The following NEK10 variants were observed in gnomAD, a reference collection of about 807,000 sequenced individuals.
NEK10 encodes the protein NIMA related kinase 10.
A neutral mutation model predicts 159.8 loss-of-function variants in NEK10; 122 were observed. That is an observed-to-expected ratio of 0.76 (90% CI 0.66 to 0.89). NEK10 has a LOEUF of 0.89. Among genes scored for constraint, NEK10 ranks in the 40% least tolerant of loss-of-function variants. The pLI, the probability that NEK10 is intolerant of heterozygous loss-of-function variation, is 0.00. For missense variants in NEK10, 1,342 were observed against 1,323.1 expected, an observed-to-expected ratio of 1.01 and a Z score of -0.22; for synonymous variants, 466 against 457.1, an observed-to-expected ratio of 1.02 and a Z score of -0.25.
At chr3:27,176,259 T>C (rs1267289390) in intron 26 of NEK10, among the ~76,000 whole-genome samples, 1 of 152,240 alleles carries the variant, frequency 6.6e-6, no homozygotes, top group Admixed American at 6.5e-5. Flanking sequence ...CCTTGTTTTG[T>C]TGAAGTTAAT....
intron 22 of NEK10, among the ~76,000 whole-genome samples, chr3:27,271,008 C>T (rs934950154): frequency 5.3e-5 from 8 of 152,034 alleles, no homozygotes; most frequent in African/African-American, 1.4e-4. Flanking sequence ...TCATTTCTAA[C>T]TAGTATGAAA....
intron 35 of NEK10, 139 bp from the exon 36 acceptor site, chr3:27,111,459 G>A: frequency 1.5e-6 from 1 of 667,258 alleles, no homozygotes; most frequent in Non-Finnish European, 2.4e-6. Flanking sequence ...TGTTAGGATG[G>A]GGACATTTTT....
At chr3:27,144,022 C>A (rs1944042692) in intron 30 of NEK10, among the ~76,000 whole-genome samples, 2 of 152,184 alleles carry the variant, frequency 1.3e-5, no homozygotes, top group African/African-American at 4.8e-5. Context: ...ATAGTCATTT[C>A]CAAGCATTTG....
intron 26 of NEK10, among the ~76,000 whole-genome samples, chr3:27,186,451 G>A (rs1195003468): frequency 6.6e-6 from 1 of 152,168 alleles, no homozygotes; most frequent in Non-Finnish European, 1.5e-5. Flanking sequence ...CTGCCAGAAG[G>A]AAGAGAAAAT....
chr3:27,360,367 A>G (rs1045043737), intron 1 of NEK10, among the ~76,000 whole-genome samples: 1 of 152,226 alleles, frequency 6.6e-6, no homozygotes, highest in Non-Finnish European at 1.5e-5. Context: ...TCAAAAGCAC[A>G]TAAAAAATGA....
At chr3:27,204,282 T>C (rs1575230797) in intron 23 of NEK10, among the ~76,000 whole-genome samples, 1 of 121,014 alleles carries the variant, frequency 8.3e-6, no homozygotes, top group African/African-American at 3.5e-5. Context: ...TTTCTTTTTT[T>C]TTTTTTTTTT....
chr3:27,121,516 G>A (rs527752928), intron 32 of NEK10, among the ~76,000 whole-genome samples: 62 of 152,208 alleles, frequency 4.1e-4, no homozygotes, highest in African/African-American at 1.4e-3. Flanking sequence ...AAAAAGTCTC[G>A]CAGGATCTGA....
At position 27,117,704 on chromosome 3, in the gene NEK10, C is replaced by A. The variant is rs539873913; in HGVS notation, c.3191-1577G>T. Among the ~76,000 whole-genome samples the A allele has an allele frequency of 3.3e-5, 5 of 152,162 alleles. No homozygotes were observed. In the South Asian group the frequency reaches 1.0e-3, roughly 32 times the overall value. ...TTTTCTTGTAAATTTGTTTAAGTTCCTTGCAGATTCTGGATATTACACCTT... is the reference window on the plus strand; with the variant it reads ...TTTTCTTGTAAATTTGTTTAAGTTCATTGCAGATTCTGGATATTACACCTT... On this transcript the variant is annotated intron_variant, in intron 33 of 35. Coordinates refer to ENST00000691995, the MANE Select transcript of NEK10 (RefSeq NM_001394966.1).
At chr3:27,137,119 G>T (rs1052707976) in intron 31 of NEK10, among the ~76,000 whole-genome samples, 3 of 152,044 alleles carry the variant, frequency 2.0e-5, no homozygotes, top group African/African-American at 7.3e-5. Flanking sequence ...ATAAGTTAAA[G>T]TTCCTCAAAG....
At chr3:27,171,934 T>A (rs1947028408) in intron 28 of NEK10, 61 bp from the exon 29 acceptor site, 10 of 1,535,574 alleles carry the variant, frequency 6.5e-6, no homozygotes, top group Middle Eastern at 1.9e-4. Flanking sequence ...TTATTTTTTA[T>A]GTTTTAATAA....
intron 6 of NEK10, among the ~76,000 whole-genome samples, chr3:27,319,491 CT>C (rs2045463353): frequency 6.6e-6 from 1 of 152,148 alleles, no homozygotes; most frequent in South Asian, 2.1e-4. Flanking sequence ...ATTTAAATGG[CT>C]TCCAGAGAGA....
intron 19 of NEK10, among the ~76,000 whole-genome samples, chr3:27,288,392 T>C (rs1001150242): frequency 1.3e-5 from 2 of 152,162 alleles, no homozygotes; most frequent in Admixed American, 6.5e-5. Context: ...TCCTGCTAAG[T>C]CAGTTTATGG....
At chr3:27,253,362 T>C (rs977506201) in intron 23 of NEK10, among the ~76,000 whole-genome samples, 1 of 152,206 alleles carries the variant, frequency 6.6e-6, no homozygotes, top group Non-Finnish European at 1.5e-5. Flanking sequence ...TTGAAGATGG[T>C]GTCTAATTTT....
At chr3:27,270,782 G>T in intron 22 of NEK10, among the ~76,000 whole-genome samples, 1 of 151,828 alleles carries the variant, frequency 6.6e-6, no homozygotes, top group Middle Eastern at 3.4e-3. Flanking sequence ...CTACAAAGAC[G>T]TTTGATAAAT....
intron 33 of NEK10, among the ~76,000 whole-genome samples, chr3:27,116,713 G>C (rs899661564): frequency 2.0e-5 from 3 of 151,880 alleles, no homozygotes; most frequent in Non-Finnish European, 4.4e-5. Flanking sequence ...TGCCCAGGTT[G>C]GTCTTGAATT....
chr3:27,226,060 C>T (rs1467409425), intron 23 of NEK10, among the ~76,000 whole-genome samples: 1 of 151,908 alleles, frequency 6.6e-6, no homozygotes, highest in Non-Finnish European at 1.5e-5. Context: ...GAGACGGAGT[C>T]TCGCTCTGTT....
intron 7 of NEK10, among the ~76,000 whole-genome samples, chr3:27,312,842 CA>C (rs1217154435): frequency 6.6e-6 from 1 of 151,776 alleles, no homozygotes; most frequent in Admixed American, 6.6e-5. Flanking sequence ...TTCTTGAAAA[CA>C]AAAAATAAAC....
intron 29 of NEK10, 48 bp from the exon 30 acceptor site, chr3:27,162,786 T>G: frequency 6.2e-7 from 1 of 1,612,818 alleles, no homozygotes; most frequent in Non-Finnish European, 8.5e-7. Context: ...CAACTTGGAT[T>G]TGACAAACTA....
At chr3:27,119,441 T>A (rs1165250611) in intron 33 of NEK10, among the ~76,000 whole-genome samples, 1 of 152,172 alleles carries the variant, frequency 6.6e-6, no homozygotes, top group Non-Finnish European at 1.5e-5. Context: ...CTGCTCTTTA[T>A]CTCCCTACAT....
Sources: gnomAD v4.1 joint callset for allele counts (sites outside exome capture counted in the v4.1 genomes callset) on GRCh38, gnomAD v4.1.1 for gene constraint, MANE v1.5 for transcripts, NCBI Gene and HGNC (gene_info 2026-07-23, HGNC 2026-07-21) for gene names.